Variants in CACNA2D3 observed in about 807,000 individuals in gnomAD.
The protein encoded by CACNA2D3 is voltage-dependent calcium channel subunit alpha-2/delta-3.
A neutral mutation model predicts 160.6 loss-of-function variants in CACNA2D3; 60 were observed. The ratio of observed to expected loss-of-function variants is 0.37; its 90% CI spans 0.30 to 0.46. The LOEUF (loss-of-function observed/expected upper bound fraction) is 0.46, where lower values mean the gene tolerates loss of function less well. Ranked by LOEUF, CACNA2D3 falls within the 20% of genes least tolerant of loss-of-function variation. The pLI, the probability that CACNA2D3 is intolerant of heterozygous loss-of-function variation, is 1.00. For missense variants in CACNA2D3, 1,205 were observed against 1,365.0 expected (o/e 0.88, Z 1.85); for synonymous variants, 558 against 492.9 (o/e 1.13, Z -1.75).
intron 11 of CACNA2D3, among the ~76,000 whole-genome samples, chr3:54,745,552 G>A (rs1392795447): frequency 6.6e-6 from 1 of 152,176 alleles, no homozygotes; most frequent in Admixed American, 6.5e-5. Flanking sequence ...TAATACACTG[G>A]CCCTGTCCTC....
chr3:54,835,630 T>C (rs1698660922), intron 14 of CACNA2D3, among the ~76,000 whole-genome samples: 1 of 152,208 alleles, frequency 6.6e-6, no homozygotes, highest in African/African-American at 2.4e-5. Context: ...GCCTGATTAT[T>C]CTGTGGAACT....
chr3:54,440,396 G>T (rs1213053169), intron 4 of CACNA2D3, among the ~76,000 whole-genome samples: 1 of 152,136 alleles, frequency 6.6e-6, no homozygotes, highest in Admixed American at 6.5e-5. Context: ...CAACTATTCT[G>T]TAAGATGTAC....
chr3:54,885,790 G>C (rs1699911663), intron 23 of CACNA2D3, among the ~76,000 whole-genome samples: 1 of 152,098 alleles, frequency 6.6e-6, no homozygotes, highest in Non-Finnish European at 1.5e-5. Context: ...CCCCAATCCT[G>C]GTTTAGCTGT....
chr3:54,978,041 A>C (rs1326447822), intron 29 of CACNA2D3, among the ~76,000 whole-genome samples: 1 of 151,896 alleles, frequency 6.6e-6, no homozygotes, highest in Non-Finnish European at 1.5e-5. Flanking sequence ...CACTGGTGGG[A>C]GTGTAGCAGT....
intron 2 of CACNA2D3, among the ~76,000 whole-genome samples, chr3:54,184,256 T>G (rs1700838121): frequency 6.6e-6 from 1 of 152,240 alleles, no homozygotes; most frequent in Admixed American, 6.5e-5. Context: ...CCCTTCAGGC[T>G]GTGCGCTGCC....
At position 54,689,010 on chromosome 3, in the gene CACNA2D3, A is replaced by AAAAAAAAGAG. The variant is rs1553785965; in HGVS notation, c.1167+46770_1167+46771insAAAAAAGAGA. 8.9e-3 allele frequency among the ~76,000 whole-genome samples: 758 copies of AAAAAAAAGAG among 85,474 alleles called. 226 individuals carry two copies. Among genetic ancestry groups the AAAAAAAAGAG allele is most frequent in the East Asian group, 0.015 (36 of 2,450 alleles). 56.1% of individuals were successfully genotyped at this position (85,474 alleles called of 152,430 possible). ...AAAAAAAAAAAAAAAAAAAAAAAAA[A>AAAAAAAAGAG]AGAATGAGGTTGTATACATAAAGCA... On this transcript the variant is annotated intron_variant, in intron 11 of 37. Coordinates refer to ENST00000474759, the MANE Select transcript of CACNA2D3 (RefSeq NM_018398.3).
intron 11 of CACNA2D3, among the ~76,000 whole-genome samples, chr3:54,656,942 TG>T (rs1029051726): frequency 5.3e-5 from 8 of 152,258 alleles, no homozygotes; most frequent in African/African-American, 1.9e-4. Context: ...AGGCTTTGTG[TG>T]AGCAACATGG....
chr3:54,807,245 A>G (rs529349300), intron 13 of CACNA2D3, among the ~76,000 whole-genome samples: 1 of 152,350 alleles, frequency 6.6e-6, no homozygotes, highest in Non-Finnish European at 1.5e-5. Flanking sequence ...AGCGAAAGAA[A>G]CTACCATCAG....
chr3:54,244,699 T>A (rs780199843), intron 2 of CACNA2D3, among the ~76,000 whole-genome samples: 5 of 152,232 alleles, frequency 3.3e-5, no homozygotes, highest in Non-Finnish European at 7.3e-5. Context: ...AGATCACATG[T>A]AGAGGTGTTT....
At chr3:54,616,185 G>A (rs911184351) in intron 9 of CACNA2D3, among the ~76,000 whole-genome samples, 5 of 152,154 alleles carry the variant, frequency 3.3e-5, no homozygotes, top group African/African-American at 9.7e-5. Context: ...TAGCCTGACT[G>A]GGTTGTTCTG....
chr3:54,312,153 G>C (rs947662028), intron 2 of CACNA2D3, among the ~76,000 whole-genome samples: 1 of 152,154 alleles, frequency 6.6e-6, no homozygotes, highest in Non-Finnish European at 1.5e-5. Flanking sequence ...TTTATTTCAG[G>C]TCGCAGACTT....
intron 5 of CACNA2D3, among the ~76,000 whole-genome samples, chr3:54,504,435 G>T (rs1364303944): frequency 6.6e-6 from 1 of 152,106 alleles, no homozygotes; most frequent in Non-Finnish European, 1.5e-5. Context: ...CTCATCTTAT[G>T]ATGTGAATAA....
At chr3:54,201,492 G>A (rs142897801) in intron 2 of CACNA2D3, among the ~76,000 whole-genome samples, 93 of 152,276 alleles carry the variant, frequency 6.1e-4, no homozygotes, top group Non-Finnish European at 1.1e-3. Context: ...CTTATGGGTC[G>A]TGTTCAGTAA....
intron 11 of CACNA2D3, among the ~76,000 whole-genome samples, chr3:54,725,649 C>A (rs1357617624): frequency 3.3e-5 from 5 of 152,092 alleles, no homozygotes; most frequent in Admixed American, 3.3e-4. Flanking sequence ...AAAATAAAAC[C>A]AATCACAAAA....
At chr3:54,419,420 T>C (rs1291101796) in intron 4 of CACNA2D3, among the ~76,000 whole-genome samples, 3 of 152,230 alleles carry the variant, frequency 2.0e-5, no homozygotes, top group Admixed American at 1.3e-4. Context: ...TTTACACAAG[T>C]ACCTTTATAT....
chr3:54,290,749 G>A (rs1220514225), intron 2 of CACNA2D3, among the ~76,000 whole-genome samples: 1 of 151,950 alleles, frequency 6.6e-6, no homozygotes, highest in Non-Finnish European at 1.5e-5. Context: ...ATGAGTTCAT[G>A]TCCTTTGTAG....
chr3:54,510,618 G>A (rs1701445054), intron 5 of CACNA2D3, among the ~76,000 whole-genome samples: 1 of 152,046 alleles, frequency 6.6e-6, no homozygotes, highest in Non-Finnish European at 1.5e-5. Flanking sequence ...CTCTGTTCTT[G>A]TCTACCATGG....
At position 54,723,649 on chromosome 3, in the gene CACNA2D3, C is replaced by T. The variant is rs542230076; in HGVS notation, c.1168-28950C>T. Among the ~76,000 whole-genome samples the T allele has an allele frequency of 2.6e-4, 39 of 152,288 alleles. 1 individual carries two copies. Among genetic ancestry groups the T allele is most frequent in the Admixed American group, 1.3e-3 (20 of 15,304 alleles). ...TTGGGTTGGGGAGAAAATTCTCTGA[C>T]GCCTTGCACTTCCAGGGTGAGGTGA... On this transcript the variant is annotated intron_variant, in intron 11 of 37. Coordinates refer to ENST00000474759, the MANE Select transcript of CACNA2D3 (RefSeq NM_018398.3).
rs147683327 is a variant in CACNA2D3, at chr3:54,952,598, T to C, written c.2450-15852T>C. Reference sequence around the variant, plus strand: ...TAAATGCATATTTTTTGAAGTAATTTTAGGTGAGTCCCTTTGGCTCATTCA... The same window carrying C: ...TAAATGCATATTTTTTGAAGTAATTCTAGGTGAGTCCCTTTGGCTCATTCA... On this transcript the variant is annotated intron_variant, in intron 27 of 37. Coordinates refer to ENST00000474759, the MANE Select transcript of CACNA2D3 (RefSeq NM_018398.3). Among the ~76,000 whole-genome samples the C allele has an allele frequency of 4.3e-3, 651 of 152,310 alleles. 7 individuals carry two copies. The highest frequency in any genetic ancestry group is 0.015 in the African/African-American group (614 of 41,558).
Sources: allele counts gnomAD v4.1 joint callset (sites outside exome capture counted in the v4.1 genomes callset), GRCh38; gene constraint gnomAD v4.1.1; transcripts MANE v1.5; gene names NCBI Gene and HGNC (gene_info 2026-07-23, HGNC 2026-07-21).